KDM2A: variants seen among roughly 807,000 people sequenced by gnomAD.
The protein encoded by KDM2A is lysine-specific demethylase 2A.
A neutral mutation model predicts 137.3 loss-of-function variants in KDM2A; 3 were observed. That is an observed-to-expected ratio of 0.02 (90% CI 0.01 to 0.06). The LOEUF (loss-of-function observed/expected upper bound fraction) is 0.06. Among genes scored for constraint, KDM2A ranks in the 10% least tolerant of loss-of-function variants. The pLI is 1.00. For missense variants in KDM2A, 738 were observed against 1,510.6 expected (o/e 0.49, Z 8.48); for synonymous variants, 512 against 541.5 (o/e 0.95, Z 0.76).
In KDM2A at chr11:67,153,060, C is replaced by A. The variant is rs193211982; in HGVS notation, c.43-27019C>A. On this transcript the variant is annotated intron_variant, in intron 2 of 20. Transcript: ENST00000529006. ...AGTGAAATGGCACGATCTCAGCTCA[C>A]TGCAACGTCTGCCTCCTGGGTTCAA... 4.6e-5 allele frequency among the ~76,000 whole-genome samples: 7 copies of A among 152,060 alleles called. 2 individuals carry two copies. Among genetic ancestry groups the A allele is most frequent in the African/African-American group, 1.7e-4 (7 of 41,478 alleles).
At chr11:67,242,900 C>T in intron 12 of KDM2A, 109 bp from the exon 13 acceptor site, 1 of 740,606 alleles carries the variant, frequency 1.4e-6, no homozygotes, top group Non-Finnish European at 2.4e-6. Flanking sequence ...TGCCACCCTG[C>T]CTCCCTTGCT....
chr11:67,230,659 C>T (rs1000035252), intron 11 of KDM2A, among the ~76,000 whole-genome samples: 1 of 150,776 alleles, frequency 6.6e-6, no homozygotes, highest in Non-Finnish European at 1.5e-5. Flanking sequence ...AAAAAAAAAA[C>T]CCACATAATA....
intron 5 of KDM2A, among the ~76,000 whole-genome samples, chr11:67,191,883 A>G (rs1485735047): frequency 6.6e-6 from 1 of 152,232 alleles, no homozygotes; most frequent in African/African-American, 2.4e-5. Context: ...TTGTAAAGGA[A>G]GAAGTAAAGT....
rs1366598795 is a variant in KDM2A at position 67,152,661 on chromosome 11, G to A, written c.43-27418G>A. ...TACCGGAAAAATTTAAATTACATAT[G>A]TAGCTTACATTTTGTTTCTTTTGAG... is the stretch of plus-strand genomic sequence containing the variant. On this transcript the variant is annotated intron_variant, in intron 2 of 20. Coordinates refer to ENST00000529006, the MANE Select transcript of KDM2A (RefSeq NM_012308.3). Among the ~76,000 whole-genome samples the A allele has an allele frequency of 2.6e-5, 4 of 151,630 alleles. No homozygotes were observed. In the East Asian group the frequency reaches 7.7e-4, roughly 29 times the overall value.
At chr11:67,152,620 T>C (rs1856418874) in intron 2 of KDM2A, among the ~76,000 whole-genome samples, 1 of 151,274 alleles carries the variant, frequency 6.6e-6, no homozygotes, top group Non-Finnish European at 1.5e-5. Context: ...AAAAAAAAAA[T>C]CCCTTAAAAA....
At chr11:67,189,554 T>G (rs922327131) in intron 5 of KDM2A, among the ~76,000 whole-genome samples, 2 of 151,984 alleles carry the variant, frequency 1.3e-5, no homozygotes, top group Non-Finnish European at 2.9e-5. Context: ...CAAGACCTTA[T>G]CTCGGCCGGG....
In KDM2A at chr11:67,245,283, G is replaced by A; in HGVS notation, c.1658G>A (p.Arg553Lys). The A allele has an allele frequency of 6.2e-7, 1 of 1,614,044 alleles. No individual in the cohort carries two copies. The highest frequency in any genetic ancestry group is 1.1e-5 in the South Asian group (1 of 91,090). The change falls in exon 14 of 21, where the codon AGG (arginine) becomes AAG (lysine). Residue 553 changes from arginine to lysine, a missense_variant. This residue lies in a region of KDM2A where 71 missense variants were observed against 147.9 expected (regional missense o/e 0.48). Transcript: ENST00000529006. This position sits in a 1 kb window ranked among gnomAD's most constrained non-coding sequence, Gnocchi z 4.1. Reference protein sequence around the residue: ...MKPAPRLTPVRPAAASPIVSG... With the variant: ...MKPAPRLTPVKPAAASPIVSG... ...CCAGCTCCACGGTTAACACCTGTGA[G>A]GCCAGCTGCTGCCTCCCCGATTGTG...
chr11:67,149,909 G>T (rs1304306849), intron 2 of KDM2A, among the ~76,000 whole-genome samples: 1 of 151,838 alleles, frequency 6.6e-6, no homozygotes, highest in Non-Finnish European at 1.5e-5. Flanking sequence ...TAGTAGAAGA[G>T]CGGGGTTTCA....
At chr11:67,181,959 TCTGA>T in intron 5 of KDM2A, 67 bp downstream of exon 5, 2 of 1,355,238 alleles carry the variant, frequency 1.5e-6, no homozygotes, top group South Asian at 1.2e-5. Flanking sequence ...GAATTAAATC[TCTGA>T]CTGAGATTTA....
intron 2 of KDM2A, among the ~76,000 whole-genome samples, chr11:67,121,867 CAAGT>C (rs1181363170): frequency 2.0e-5 from 3 of 152,072 alleles, no homozygotes; most frequent in Non-Finnish European, 4.4e-5. Flanking sequence ...TGATTGAAGA[CAAGT>C]AGGTAGAATA....
At chr11:67,180,033 C>T (rs1857054467) in intron 2 of KDM2A, 46 bp from the exon 3 acceptor site, 2 of 1,575,112 alleles carry the variant, frequency 1.3e-6, no homozygotes, top group Non-Finnish European at 1.7e-6. Flanking sequence ...TGTAGGTAGG[C>T]ATGAAAAAGT....
In KDM2A at chr11:67,254,764, CAA is replaced by C; in HGVS notation, c.3308-108_3308-107del. 2.9e-6 allele frequency: 3 copies of C among 1,031,624 alleles called. No individual in the cohort carries two copies. The highest frequency in any genetic ancestry group is 5.1e-5 in the East Asian group (2 of 39,040). 63.9% of individuals were successfully genotyped at this position (1,031,624 alleles called of 1,614,324 possible). A position where few individuals can be genotyped will look rare whatever the true frequency, so the allele number is the denominator to read the frequency against. On this transcript the variant is annotated intron_variant, in intron 20 of 20. Transcript: ENST00000529006. This position sits in a 1 kb window ranked among gnomAD's most constrained non-coding sequence, Gnocchi z 4.7. Reference sequence around the variant, plus strand: ...GTCTCTGAGCCAGGTAGTTGTGGGACAAAGAGGGCTTTTGTTTAGCATTTTGA... The same window carrying C: ...GTCTCTGAGCCAGGTAGTTGTGGGACAGAGGGCTTTTGTTTAGCATTTTGA...
intron 16 of KDM2A, chr11:67,248,708 T>C (rs2136457643): frequency 9.1e-6 from 2 of 220,412 alleles, no homozygotes; most frequent in Middle Eastern, 1.9e-3. Flanking sequence ...GAATGTTAAC[T>C]AGAGGAGAGG....
chr11:67,237,589 A>G (rs997135299), intron 12 of KDM2A, among the ~76,000 whole-genome samples: 2 of 151,710 alleles, frequency 1.3e-5, no homozygotes, highest in Non-Finnish European at 2.9e-5. Flanking sequence ...GAGCCACCTT[A>G]CCCAACCAAC....
rs532362994 is a variant in KDM2A, at chr11:67,146,795, G to A, written c.42+25437G>A. On this transcript the variant is annotated intron_variant, in intron 2 of 20. Transcript: ENST00000529006. ...AAAGTGCTGGTGCATGAGCCACCGT[G>A]CCTGGAACATTCTTTAATATTGGTT... 2.6e-4 allele frequency among the ~76,000 whole-genome samples: 40 copies of A among 152,048 alleles called. 1 individual carries two copies. The highest frequency in any genetic ancestry group is 1.8e-4 in the Non-Finnish European group (12 of 68,018).
At chr11:67,143,867 A>C (rs1856180485) in intron 2 of KDM2A, among the ~76,000 whole-genome samples, 1 of 151,940 alleles carries the variant, frequency 6.6e-6, no homozygotes, top group Non-Finnish European at 1.5e-5. Flanking sequence ...CTTTACTTCA[A>C]GTGATCCGCC....
At chr11:67,211,642 A>T (rs1245004011) in intron 6 of KDM2A, among the ~76,000 whole-genome samples, 5 of 139,044 alleles carry the variant, frequency 3.6e-5, no homozygotes, top group East Asian at 2.1e-4. Context: ...AAAAAAAAAG[A>T]ATATATATAT....
At chr11:67,213,627 C>T (rs191038243) in intron 6 of KDM2A, among the ~76,000 whole-genome samples, 139 of 151,640 alleles carry the variant, frequency 9.2e-4, no homozygotes, top group African/African-American at 3.0e-3. Context: ...GGTGCGGTGG[C>T]GGGTGCCTGT....
chr11:67,146,912 G>A (rs1466569321), intron 2 of KDM2A, among the ~76,000 whole-genome samples: 2 of 152,054 alleles, frequency 1.3e-5, no homozygotes. Context: ...TTTCATAAAA[G>A]TTTATCAAAG....
Sources: gnomAD v4.1 joint callset for allele counts (sites outside exome capture counted in the v4.1 genomes callset) on GRCh38, gnomAD v4.1.1 for gene constraint, gnomAD v4.1.1 regional missense constraint, Gnocchi (gnomAD v3.1) non-coding constraint, MANE v1.5 for transcripts, NCBI Gene and HGNC (gene_info 2026-07-23, HGNC 2026-07-21) for gene names.